TERF2IP: variants seen among roughly 807,000 people sequenced by gnomAD.
The protein encoded by TERF2IP is TERF2 interacting protein.
A neutral mutation model predicts 33.3 loss-of-function variants in TERF2IP; 35 were observed. That is an observed-to-expected ratio of 1.05 (90% CI 0.80 to 1.39). The LOEUF is 1.39. Ranked by LOEUF, TERF2IP falls within the 40% of genes most tolerant of loss-of-function variation. The pLI, the probability that TERF2IP is intolerant of heterozygous loss-of-function variation, is 0.00. For missense variants in TERF2IP, 583 were observed against 524.8 expected, an observed-to-expected ratio of 1.11 and a Z score of -1.08; for synonymous variants, 253 against 223.2, an observed-to-expected ratio of 1.13 and a Z score of -1.19.
Position 75,656,885 on chromosome 16 carries a change from T to C in TERF2IP, c.*274T>C. The C allele has an allele frequency of 2.6e-6, 1 of 387,790 alleles. No individual in the cohort carries two copies. The highest frequency in any genetic ancestry group is 4.6e-6 in the Non-Finnish European group (1 of 215,880). The allele number at this position is 387,790 out of a possible 1,614,324, so 24.0% of individuals were successfully genotyped here. ...TAAATCAGACAGGAGTTGGTCTACA[T>C]AGTAGTAATCCATTGTTGGAATGGA... On this transcript the variant is annotated 3_prime_UTR_variant, in exon 3 of 3. Coordinates refer to ENST00000300086, the MANE Select transcript of TERF2IP (RefSeq NM_018975.4).
Position 75,648,301 on chromosome 16 carries a change from A to T in TERF2IP, c.419A>T (p.Asp140Val). ...HAGRIAFTDA[D>V]DVAILTYVKE... ...GGGCGGATCGCCTTCACGGATGCGG[A>T]CGACGTAGCCATCCTTACCTACGTG... Residue 140 changes from aspartate (D) to valine (V), a missense_variant, in exon 1 of 3, where the codon GAC becomes GTC. Physicochemically the swap from Asp to Val is radical, Grantham distance 152 (BLOSUM62 -3). Transcript: ENST00000300086. The T allele has an allele frequency of 6.4e-7, 1 of 1,555,130 alleles. No individual in the cohort carries two copies. Among genetic ancestry groups the T allele is most frequent in the Non-Finnish European group, 8.7e-7 (1 of 1,149,096 alleles).
Position 75,648,105 on chromosome 16 carries a change from T to G in TERF2IP, c.223T>G (p.Ser75Ala), listed in dbSNP as rs373520534. ...AQPGEALAEA[S>A]GDFISTQYIL... Reference sequence around the variant, plus strand: ...GCCCGGGGAGGCGCTGGCCGAGGCCTCGGGTGATTTCATCTCCACGCAGTA... The same window carrying G: ...GCCCGGGGAGGCGCTGGCCGAGGCCGCGGGTGATTTCATCTCCACGCAGTA... The change falls in exon 1 of 3, where the codon TCG becomes GCG. Residue 75 changes from serine (S) to alanine (A), a missense_variant. Ser to Ala is a moderately conservative substitution (Grantham distance 99). Transcript: ENST00000300086. 28 of 1,557,302 alleles carry G rather than the reference T, an allele frequency of 1.8e-5. No individual in the cohort carries two copies. In the East Asian group the frequency reaches 3.0e-4, roughly 17 times the overall value.
At chr16:75,648,575 C>G (rs773824546) in intron 1 of TERF2IP, 23 bp downstream of exon 1, 7 of 1,512,088 alleles carry the variant, frequency 4.6e-6, no homozygotes, top group Non-Finnish European at 5.3e-6. Flanking sequence ...AGCGCGGGGC[C>G]TCGCGGATAT....
chr16:75,649,723 A>C (rs1435381197), intron 1 of TERF2IP, among the ~76,000 whole-genome samples: 1 of 152,256 alleles, frequency 6.6e-6, no homozygotes, highest in East Asian at 1.9e-4. Flanking sequence ...GGCGTAACTG[A>C]ATGCCTATGG....
intron 1 of TERF2IP, among the ~76,000 whole-genome samples, chr16:75,652,883 G>T (rs2151819049): frequency 6.6e-6 from 1 of 152,130 alleles, no homozygotes. Flanking sequence ...GCTTCTAGGG[G>T]TCAGAAACAT....
chr16:75,655,099 C>G (rs1023039511), intron 2 of TERF2IP, among the ~76,000 whole-genome samples: 33 of 152,226 alleles, frequency 2.2e-4, no homozygotes, highest in Non-Finnish European at 2.5e-4. Context: ...TCACTGTAGC[C>G]TCCACCTCCC....
intron 1 of TERF2IP, among the ~76,000 whole-genome samples, chr16:75,650,552 T>C (rs2082339469): frequency 6.6e-6 from 1 of 152,188 alleles, no homozygotes; most frequent in South Asian, 2.1e-4. Flanking sequence ...ATTATATATC[T>C]TGAGATGGGG....
At chr16:75,649,537 C>G (rs971579930) in intron 1 of TERF2IP, among the ~76,000 whole-genome samples, 4 of 145,180 alleles carry the variant, frequency 2.8e-5, no homozygotes, top group Admixed American at 7.2e-5. Context: ...GAGCAAGACT[C>G]CATCTCAAAA....
intron 1 of TERF2IP, among the ~76,000 whole-genome samples, chr16:75,650,023 C>G (rs1446564951): frequency 2.0e-5 from 3 of 152,104 alleles, no homozygotes; most frequent in African/African-American, 4.8e-5. Context: ...ATCTTTTTCT[C>G]CTGTTCAGTA....
Position 75,656,868 on chromosome 16 carries a change from AC to A in TERF2IP, c.*258del. 4.4e-6 allele frequency: 2 copies of A among 458,122 alleles called. No individual in the cohort carries two copies. Among genetic ancestry groups the A allele is most frequent in the Non-Finnish European group, 7.8e-6 (2 of 257,674 alleles). The allele number at this position is 458,122 out of a possible 1,614,324, so 28.4% of individuals were successfully genotyped here. ...TTTATGAAAGGAAGATCTAAATCAG[AC>A]AGGAGTTGGTCTACATAGTAGTAAT... On this transcript the variant is annotated 3_prime_UTR_variant, in exon 3 of 3. Transcript: ENST00000300086.
At chr16:75,655,251 A>G (rs1249880956) in intron 2 of TERF2IP, among the ~76,000 whole-genome samples, 1 of 152,234 alleles carries the variant, frequency 6.6e-6, no homozygotes, top group African/African-American at 2.4e-5. Flanking sequence ...AAAATGTTTT[A>G]GCTCTTCCAT....
intron 2 of TERF2IP, 95 bp downstream of exon 2, chr16:75,654,492 C>A: frequency 7.5e-7 from 1 of 1,335,722 alleles, no homozygotes; most frequent in Non-Finnish European, 1.0e-6. Flanking sequence ...ACCTGGGGCT[C>A]AGGAAAGTGA....
At chr16:75,649,396 T>C (rs2082330098) in intron 1 of TERF2IP, among the ~76,000 whole-genome samples, 1 of 151,900 alleles carries the variant, frequency 6.6e-6, no homozygotes, top group South Asian at 2.1e-4. Context: ...ATACAAAAAT[T>C]AGCCGGCCGT....
chr16:75,649,505 C>G (rs2082331018), intron 1 of TERF2IP, among the ~76,000 whole-genome samples: 1 of 151,466 alleles, frequency 6.6e-6, no homozygotes, highest in Non-Finnish European at 1.5e-5. Context: ...GACTGCGCCA[C>G]TGCTCTCCAG....
intron 2 of TERF2IP, among the ~76,000 whole-genome samples, chr16:75,655,486 T>C (rs1344414171): frequency 1.3e-5 from 2 of 152,246 alleles, no homozygotes; most frequent in South Asian, 2.1e-4. Context: ...GCTTCTGTAA[T>C]TGGTGAGTGA....
intron 1 of TERF2IP, among the ~76,000 whole-genome samples, chr16:75,652,382 G>A (rs1327435336): frequency 6.6e-6 from 1 of 152,150 alleles, no homozygotes; most frequent in Non-Finnish European, 1.5e-5. Flanking sequence ...TTATGTGAAT[G>A]AACAGTAATT....
intron 1 of TERF2IP, among the ~76,000 whole-genome samples, chr16:75,651,704 A>G (rs187143388): frequency 6.6e-6 from 1 of 152,312 alleles, no homozygotes; most frequent in Non-Finnish European, 1.5e-5. Flanking sequence ...GAAAAAAAGA[A>G]GAAGAAAGAA....
intron 1 of TERF2IP, among the ~76,000 whole-genome samples, chr16:75,650,472 G>A (rs1027765562): frequency 1.3e-5 from 2 of 152,140 alleles, no homozygotes; most frequent in African/African-American, 4.8e-5. Context: ...GATGAGGTTA[G>A]GGCTATGTGT....
chr16:75,649,296 C>T (rs1480300743), intron 1 of TERF2IP, among the ~76,000 whole-genome samples: 1 of 152,198 alleles, frequency 6.6e-6, no homozygotes, highest in Non-Finnish European at 1.5e-5. Flanking sequence ...GTAATCCCAG[C>T]ACTTTGGGAG....
Sources: allele counts gnomAD v4.1 joint callset (sites outside exome capture counted in the v4.1 genomes callset), GRCh38; gene constraint gnomAD v4.1.1; transcripts MANE v1.5; gene names NCBI Gene and HGNC (gene_info 2026-07-23, HGNC 2026-07-21).